The following SMIM17 variants were observed in gnomAD, a reference collection of about 807,000 sequenced individuals.
SMIM17 encodes small integral membrane protein 17.
A neutral mutation model predicts 12.2 loss-of-function variants in SMIM17; 10 were observed. The observed-to-expected ratio is 0.82, with a 90% CI of 0.50 to 1.39. SMIM17 has a LOEUF of 1.39. Among genes scored for constraint, SMIM17 ranks in the 40% most tolerant of loss-of-function variants. The probability of loss-of-function intolerance (pLI) is 0.00; values close to 1 mark genes in which losing one functional copy is unlikely to be tolerated. For synonymous variants in SMIM17, 50 were observed against 44.1 expected (o/e 1.13, Z -0.53); for missense variants, 136 against 118.2 (o/e 1.15, Z -0.70).
rs767734956 is a variant in SMIM17 at position 56,655,144 on chromosome 19, A to T, written c.288A>T (p.Ile96=). 1.4e-6 allele frequency: 1 copy of T among 702,204 alleles called. No individual in the cohort carries two copies. The allele number at this position is 702,204 out of a possible 1,614,324, so 43.5% of individuals were successfully genotyped here. ...EWSKAPQQTT[I]VLVVCVLFLF... ...CAAAAGCTCCACAACAAACAACCAT[A>T]GTCTTGGTAGTGTGCGTGCTTTTTT... The change falls in exon 4 of 4, where the codon ATA becomes ATT. Residue 96 remains isoleucine (I), a synonymous_variant. Coordinates refer to ENST00000598409, the MANE Select transcript of SMIM17 (RefSeq NM_001193628.2).
intron 3 of SMIM17, among the ~76,000 whole-genome samples, chr19:56,649,801 T>C (rs1330387615): frequency 1.3e-5 from 2 of 151,952 alleles, no homozygotes; most frequent in African/African-American, 4.8e-5. Context: ...GTGGATGATG[T>C]AGTGTCTCAT....
intron 2 of SMIM17, among the ~76,000 whole-genome samples, chr19:56,647,069 G>A (rs1476733400): frequency 6.6e-6 from 1 of 152,116 alleles, no homozygotes; most frequent in Non-Finnish European, 1.5e-5. Context: ...GGACACTAAG[G>A]TTCTGACTAT....
At chr19:56,647,431 G>GAGAGAGAGAGAGAGAGAGAGAGAGAC in intron 2 of SMIM17, 127 bp from the exon 3 acceptor site, 2 of 381,618 alleles carry the variant, frequency 5.2e-6, no homozygotes, top group African/African-American at 4.5e-5. Context: ...GAGAGAGAGA[G>GAGAGAGAGAGAGAGAGAGAGAGAGAC]AGAGAGAGAG....
chr19:56,649,971 C>G, intron 3 of SMIM17, among the ~76,000 whole-genome samples: 1 of 152,020 alleles, frequency 6.6e-6, no homozygotes, highest in East Asian at 1.9e-4. Flanking sequence ...CAGTGGGAGC[C>G]ATCGAAGGTG....
intron 3 of SMIM17, among the ~76,000 whole-genome samples, chr19:56,651,934 T>C (rs1600620761): frequency 6.6e-6 from 1 of 151,964 alleles, no homozygotes; most frequent in East Asian, 1.9e-4. Flanking sequence ...CAAAACCCCA[T>C]TTCTACTAAA....
At chr19:56,652,221 G>A (rs560404284) in intron 3 of SMIM17, among the ~76,000 whole-genome samples, 1 of 152,110 alleles carries the variant, frequency 6.6e-6, no homozygotes, top group Non-Finnish European at 1.5e-5. Context: ...CTTGATTGAG[G>A]GTTGTGCTCT....
chr19:56,645,817 C>G lies in SMIM17; in HGVS notation c.150C>G (p.Ser50Arg). The change falls in exon 2 of 4, where the codon AGC (serine) becomes AGG (arginine). Residue 50 changes from serine to arginine, a missense_variant. Physicochemically the swap from Ser to Arg is moderately radical, Grantham distance 110. Coordinates refer to ENST00000598409, the MANE Select transcript of SMIM17 (RefSeq NM_001193628.2). ...DWEAVEVGAS[S>R]HDSDEKDLSS... The stretch of plus-strand genomic sequence containing the variant: ...AGGCTGTGGAGGTTGGGGCCTCCAG[C>G]CATGACAGTGATGAGAAAGGTGAGA... 6.5e-7 allele frequency: 1 copy of G among 1,534,236 alleles called. No homozygotes were observed. Among genetic ancestry groups the G allele is most frequent in the Non-Finnish European group, 8.7e-7 (1 of 1,146,170 alleles).
At chr19:56,646,521 AC>A (rs1319844873) in intron 2 of SMIM17, among the ~76,000 whole-genome samples, 1 of 151,944 alleles carries the variant, frequency 6.6e-6, no homozygotes, top group East Asian at 1.9e-4. Context: ...CCTACCATGC[AC>A]AGGACGGACC....
chr19:56,654,773 C>T (rs562854670), intron 3 of SMIM17, among the ~76,000 whole-genome samples: 80 of 152,108 alleles, frequency 5.3e-4, no homozygotes, highest in Non-Finnish European at 1.0e-3. Flanking sequence ...ATAGTTGGGT[C>T]AACAAATACA....
Position 56,657,154 on chromosome 19 carries a change from G to A in SMIM17, c.*1941G>A, listed in dbSNP as rs1013251138. Among the ~76,000 whole-genome samples the A allele has an allele frequency of 6.6e-6, 1 of 152,146 alleles. No homozygotes were observed. Among genetic ancestry groups the A allele is most frequent in the African/African-American group, 2.4e-5 (1 of 41,418 alleles). Reference sequence around the variant, plus strand: ...ATTCGAGGCATATAAGTGCAGCATTGTTATGTCCTTGTTAATTAAATAATA... The same window carrying A: ...ATTCGAGGCATATAAGTGCAGCATTATTATGTCCTTGTTAATTAAATAATA... On this transcript the variant is annotated 3_prime_UTR_variant, in exon 4 of 4. Transcript: ENST00000598409.
rs2045154016 is a variant in SMIM17, at chr19:56,656,605, T to G, written c.*1392T>G. On this transcript the variant is annotated 3_prime_UTR_variant, in exon 4 of 4. Transcript: ENST00000598409. ...TTTATATTTTCTATAATAGCATACTTATTAACGCAAATGTACTTCTGGATA... is the reference window on the plus strand; with the variant it reads ...TTTATATTTTCTATAATAGCATACTGATTAACGCAAATGTACTTCTGGATA... Among the ~76,000 whole-genome samples the G allele has an allele frequency of 6.6e-6, 1 of 152,232 alleles. No homozygotes were observed. The highest frequency in any genetic ancestry group is 1.5e-5 in the Non-Finnish European group (1 of 68,032).
Position 56,655,273 on chromosome 19 carries a change from G to A in SMIM17, c.*60G>A, listed in dbSNP as rs1433568981. The stretch of plus-strand genomic sequence containing the variant: ...TAATGAAATAGATGCCCTATGTCAT[G>A]TTAAGGAATTGTGCTAGTTAAAAAT... On this transcript the variant is annotated 3_prime_UTR_variant, in exon 4 of 4. Coordinates refer to ENST00000598409, the MANE Select transcript of SMIM17 (RefSeq NM_001193628.2). 1.2e-5 allele frequency: 8 copies of A among 666,372 alleles called. No individual in the cohort carries two copies. The East Asian group carries it at 1.9e-4, about 16-fold the overall frequency. The allele number at this position is 666,372 out of a possible 1,614,324, so 41.3% of individuals were successfully genotyped here. A position where few individuals can be genotyped will look rare whatever the true frequency, so the allele number is the denominator to read the frequency against.
chr19:56,652,888 T>A (rs372019709), intron 3 of SMIM17, among the ~76,000 whole-genome samples: 18 of 152,102 alleles, frequency 1.2e-4, no homozygotes, highest in African/African-American at 4.3e-4. Context: ...ACCCCTAGCC[T>A]CCAGGGGAGA....
intron 3 of SMIM17, 139 bp downstream of exon 3, chr19:56,647,773 T>A: frequency 2.0e-5 from 14 of 713,210 alleles, no homozygotes; most frequent in East Asian, 2.7e-5. Context: ...ATCTCTATGG[T>A]GATCAGACAC....
rs557681230 is a variant in SMIM17, at chr19:56,644,591, C to T, written c.-100-977C>T. Reference sequence around the variant, plus strand: ...CAGACATTAGCTGAGTTGCATGGTGCAGCTTCTTCAGACAGGAGACCTGAT... The same window carrying T: ...CAGACATTAGCTGAGTTGCATGGTGTAGCTTCTTCAGACAGGAGACCTGAT... On this transcript the variant is annotated intron_variant, in intron 1 of 3. Transcript: ENST00000598409. Among the ~76,000 whole-genome samples, 8 of 152,336 alleles carry T rather than the reference C, an allele frequency of 5.3e-5. 1 individual carries two copies. The East Asian group carries it at 1.3e-3, about 26-fold the overall frequency.
intron 3 of SMIM17, among the ~76,000 whole-genome samples, chr19:56,650,957 G>C (rs575195866): frequency 1.3e-5 from 2 of 151,124 alleles, no homozygotes; most frequent in Admixed American, 6.6e-5. Flanking sequence ...AGCATTGATG[G>C]AGCACACACC....
intron 3 of SMIM17, 122 bp downstream of exon 3, chr19:56,647,756 G>GAGA: frequency 1.2e-6 from 1 of 801,136 alleles, no homozygotes; most frequent in South Asian, 1.7e-5. Flanking sequence ...GAGATCTCTT[G>GAGA]TGTCTGATCT....
chr19:56,645,911 C>T (rs1397851053), intron 2 of SMIM17, 75 bp downstream of exon 2: 2 of 1,402,036 alleles, frequency 1.4e-6, no homozygotes, highest in African/African-American at 1.4e-5. Context: ...AAAGACTAAA[C>T]ATTCACTCCT....
chr19:56,648,306 C>T (rs1436963336), intron 3 of SMIM17, among the ~76,000 whole-genome samples: 1 of 149,626 alleles, frequency 6.7e-6, no homozygotes, highest in East Asian at 2.0e-4. Flanking sequence ...CATTGAACAT[C>T]CACCAACTAT....
Sources: allele counts gnomAD v4.1 joint callset (sites outside exome capture counted in the v4.1 genomes callset), GRCh38; gene constraint gnomAD v4.1.1; transcripts MANE v1.5; gene names NCBI Gene and HGNC (gene_info 2026-07-23, HGNC 2026-07-21).